CSMD1: variants seen among roughly 807,000 people sequenced by gnomAD.
CSMD1 encodes the protein CUB and sushi domain-containing protein 1.
A neutral mutation model predicts 417.5 loss-of-function variants in CSMD1; 213 were observed. The ratio of observed to expected loss-of-function variants is 0.51; its 90% CI spans 0.46 to 0.57. The LOEUF is 0.57. Among genes scored for constraint, CSMD1 ranks in the 20% least tolerant of loss-of-function variants. The probability of loss-of-function intolerance (pLI) is 0.00; values close to 1 mark genes in which losing one functional copy is unlikely to be tolerated. For missense variants in CSMD1, 6,923 were observed against 4,529.7 expected (o/e 1.53, Z -15.17); for synonymous variants, 2,862 against 1,736.8 (o/e 1.65, Z -16.11).
intron 7 of CSMD1, among the ~76,000 whole-genome samples, chr8:3,646,824 T>A (rs1030724307): frequency 6.6e-6 from 1 of 151,980 alleles, no homozygotes; most frequent in Non-Finnish European, 1.5e-5. Context: ...TTCCCCTGCC[T>A]CCTCCCACCC....
intron 5 of CSMD1, among the ~76,000 whole-genome samples, chr8:3,759,323 A>G (rs974890229): frequency 3.3e-5 from 5 of 152,164 alleles, no homozygotes; most frequent in African/African-American, 1.2e-4. Context: ...AAGGACAGAA[A>G]ACAAAATATG....
rs946027847 is a variant in CSMD1, at chr8:4,552,376, C to T, written c.302+84966G>A. ...GCTTCTGTGAACTTTAAGGAAGAGC[C>T]TACTCAAATCCCGAATCCTGTCTCA... On this transcript the variant is annotated intron_variant, in intron 2 of 69. Coordinates refer to ENST00000635120, the MANE Select transcript of CSMD1 (RefSeq NM_033225.6). 3.9e-5 allele frequency among the ~76,000 whole-genome samples: 6 copies of T among 152,182 alleles called. No individual in the cohort carries two copies. In the South Asian group the frequency reaches 6.2e-4, roughly 16 times the overall value.
chr8:4,527,284 G>C (rs78004380), intron 2 of CSMD1, among the ~76,000 whole-genome samples: 1 of 152,194 alleles, frequency 6.6e-6, no homozygotes, highest in Admixed American at 6.5e-5. Context: ...TATATGATCA[G>C]GAATGAGCTG....
At chr8:4,517,958 A>G (rs1037228405) in intron 2 of CSMD1, among the ~76,000 whole-genome samples, 1 of 152,188 alleles carries the variant, frequency 6.6e-6, no homozygotes, top group Non-Finnish European at 1.5e-5. Context: ...TCAGGTAGCT[A>G]TGATAAAATT....
chr8:3,448,888 T>C (rs1478405664), intron 12 of CSMD1, among the ~76,000 whole-genome samples: 1 of 152,192 alleles, frequency 6.6e-6, no homozygotes, highest in East Asian at 1.9e-4. Flanking sequence ...ATAATTCTAT[T>C]CCAGAAGAAG....
chr8:4,175,153 A>T (rs1797974166), intron 3 of CSMD1, among the ~76,000 whole-genome samples: 1 of 152,024 alleles, frequency 6.6e-6, no homozygotes, highest in South Asian at 2.1e-4. Context: ...GACCATCAAG[A>T]AAGATCATTG....
At chr8:3,221,181 G>A (rs757410815) in intron 28 of CSMD1, among the ~76,000 whole-genome samples, 2 of 152,104 alleles carry the variant, frequency 1.3e-5, no homozygotes, top group Non-Finnish European at 2.9e-5. Flanking sequence ...CGCCAGCATC[G>A]GTGCAACGCC....
At chr8:4,662,377 T>C (rs1804660479) in intron 1 of CSMD1, among the ~76,000 whole-genome samples, 1 of 152,132 alleles carries the variant, frequency 6.6e-6, no homozygotes, top group African/African-American at 2.4e-5. Flanking sequence ...GTTCCTGAAA[T>C]TGCTGAGGAA....
intron 1 of CSMD1, among the ~76,000 whole-genome samples, chr8:4,661,535 T>C (rs1176253902): frequency 2.6e-5 from 4 of 152,162 alleles, no homozygotes; most frequent in African/African-American, 9.7e-5. Context: ...ATAGGATCTT[T>C]GTAGTGATAT....
intron 23 of CSMD1, 40 bp from the exon 24 acceptor site, chr8:3,308,543 G>A (rs766263921): frequency 9.2e-6 from 14 of 1,525,574 alleles, no homozygotes; most frequent in East Asian, 6.9e-5. Context: ...GAACTCAAGG[G>A]TGGACATCTG....
At chr8:3,912,184 G>T (rs1365792726) in intron 5 of CSMD1, among the ~76,000 whole-genome samples, 1 of 152,118 alleles carries the variant, frequency 6.6e-6, no homozygotes, top group African/African-American at 2.4e-5. Flanking sequence ...AATTTGTAAT[G>T]ATTTCAGAGA....
chr8:4,983,014 C>T (rs961294369), intron 1 of CSMD1, among the ~76,000 whole-genome samples: 1 of 152,120 alleles, frequency 6.6e-6, no homozygotes. Context: ...TGAAGGCTGG[C>T]ATATCTGCTG....
chr8:3,896,251 C>G (rs1563187873), intron 5 of CSMD1, among the ~76,000 whole-genome samples: 1 of 152,164 alleles, frequency 6.6e-6, no homozygotes, highest in South Asian at 2.1e-4. Flanking sequence ...TTTCTCAAAA[C>G]AGTCCTTCCA....
chr8:3,523,248 T>C lies in CSMD1; in HGVS notation c.1345-29522A>G, dbSNP rs553766737. On this transcript the variant is annotated intron_variant, in intron 10 of 69. Coordinates refer to ENST00000635120, the MANE Select transcript of CSMD1 (RefSeq NM_033225.6). ...GGATCATAGTAAGACCTAAAGCATCTACCATATAGGATTTAAAATAAAGCC... is the reference window on the plus strand; with the variant it reads ...GGATCATAGTAAGACCTAAAGCATCCACCATATAGGATTTAAAATAAAGCC... Among the ~76,000 whole-genome samples the C allele has an allele frequency of 1.0e-3, 157 of 152,326 alleles. 1 individual carries two copies. Among genetic ancestry groups the C allele is most frequent in the African/African-American group, 3.7e-3 (155 of 41,578 alleles).
intron 2 of CSMD1, among the ~76,000 whole-genome samples, chr8:4,520,521 G>T (rs1223494485): frequency 1.3e-5 from 2 of 152,124 alleles, no homozygotes; most frequent in South Asian, 2.1e-4. Flanking sequence ...AAGACATCCC[G>T]ATAGGTGTCT....
At chr8:3,950,385 C>G (rs2627514) in intron 5 of CSMD1, among the ~76,000 whole-genome samples, 72,359 of 152,078 alleles carry the variant, frequency 0.48, 17,888 homozygotes, top group African/African-American at 0.61. Flanking sequence ...CTCTCCGGTA[C>G]AGTTCCAATC....
intron 1 of CSMD1, among the ~76,000 whole-genome samples, chr8:4,843,573 C>G (rs7007506): frequency 0.23 from 35,723 of 152,078 alleles, 5,387 homozygotes; most frequent in African/African-American, 0.43. Flanking sequence ...AAGGTACTGT[C>G]CAATTCCAGG....
At chr8:3,190,941 T>C (rs557735893) in intron 33 of CSMD1, among the ~76,000 whole-genome samples, 1 of 152,318 alleles carries the variant, frequency 6.6e-6, no homozygotes, top group Admixed American at 6.5e-5. Flanking sequence ...CAGAGAGATT[T>C]ACAATGGTAG....
At chr8:3,572,843 G>C (rs1258261410) in intron 10 of CSMD1, among the ~76,000 whole-genome samples, 2 of 152,068 alleles carry the variant, frequency 1.3e-5, no homozygotes, top group South Asian at 2.1e-4. Context: ...CAATTGTTCA[G>C]CTATTTCCTC....
Sources: gnomAD v4.1 joint callset for allele counts (sites outside exome capture counted in the v4.1 genomes callset) on GRCh38, gnomAD v4.1.1 for gene constraint, MANE v1.5 for transcripts, NCBI Gene and HGNC (gene_info 2026-07-23, HGNC 2026-07-21) for gene names.